ATRNL1: variants seen among roughly 807,000 people sequenced by gnomAD.
The protein encoded by ATRNL1 is attractin like 1.
A neutral mutation model predicts 182.7 loss-of-function variants in ATRNL1; 95 were observed. The observed-to-expected ratio is 0.52, with a 90% confidence interval of 0.44 to 0.62. The LOEUF (loss-of-function observed/expected upper bound fraction) is 0.62. ATRNL1 is among the 20% of genes least tolerant of loss of function. The probability of loss-of-function intolerance (pLI) is 0.00; values close to 1 mark genes in which losing one functional copy is unlikely to be tolerated. For missense variants in ATRNL1, 1,471 were observed against 1,679.5 expected (o/e 0.88, Z 2.17); for synonymous variants, 576 against 568.3 (o/e 1.01, Z -0.19).
chr10:115,836,647 C>G (rs1281668613), intron 27 of ATRNL1, among the ~76,000 whole-genome samples: 3 of 152,156 alleles, frequency 2.0e-5, no homozygotes, highest in African/African-American at 4.8e-5. Context: ...TGTGGCATCT[C>G]CTTGTATCAA....
At chr10:115,940,753 A>G (rs1369594668) in intron 28 of ATRNL1, among the ~76,000 whole-genome samples, 1 of 151,986 alleles carries the variant, frequency 6.6e-6, no homozygotes, top group South Asian at 2.1e-4. Flanking sequence ...ATTCAATAAG[A>G]TAGGGGCTTT....
In ATRNL1 at chr10:115,727,349, A is replaced by G. The variant is rs923621171; in HGVS notation, c.3897A>G (p.Pro1299=). 7 of 1,613,352 alleles carry G rather than the reference A, an allele frequency of 4.3e-6. No homozygotes were observed. Among genetic ancestry groups the G allele is most frequent in the African/African-American group, 1.3e-5 (1 of 75,062 alleles). ...GAEQTEFLRG[P]LEGAPKPIAI... ...AACAAACAGAGTTTCTGCGAGGGCC[A>G]TTAGAGGTAGGAACAGCGGTGCTGA... The change falls in exon 27 of 29, where the codon CCA becomes CCG. Residue 1299 remains proline (P), a synonymous_variant. Transcript: ENST00000355044.
In ATRNL1 at chr10:115,610,386, C is replaced by CA. The variant is rs370398203; in HGVS notation, c.3795+60858dup. ...TTGCATTGTAGACTGTCTATGACTA[C>CA]AAAAAAAAGCTTTATTTTTTCTCTT... is the stretch of plus-strand genomic sequence containing the variant. On this transcript the variant is annotated intron_variant, in intron 26 of 28. Coordinates refer to ENST00000355044, the MANE Select transcript of ATRNL1 (RefSeq NM_207303.4). Among the ~76,000 whole-genome samples, 12 of 151,584 alleles carry CA rather than the reference C, an allele frequency of 7.9e-5. No individual in the cohort carries two copies. The South Asian group carries it at 8.3e-4, about 10-fold the overall frequency.
chr10:115,435,330 C>T (rs1255629747), intron 21 of ATRNL1, among the ~76,000 whole-genome samples: 1 of 152,042 alleles, frequency 6.6e-6, no homozygotes, highest in Non-Finnish European at 1.5e-5. Flanking sequence ...GAAAACTCCA[C>T]CCTCATAGGT....
chr10:115,187,114 TAAC>T (rs1261484914), intron 8 of ATRNL1, among the ~76,000 whole-genome samples: 2 of 151,748 alleles, frequency 1.3e-5, no homozygotes, highest in East Asian at 3.9e-4. Flanking sequence ...AGACAAAAGA[TAAC>T]AAGTATTGGT....
intron 27 of ATRNL1, among the ~76,000 whole-genome samples, chr10:115,825,061 TA>T (rs1555091575): frequency 6.6e-6 from 1 of 151,902 alleles, no homozygotes; most frequent in African/African-American, 2.4e-5. Flanking sequence ...TATGCAGTCA[TA>T]AAAAAGGATG....
chr10:115,155,066 GTC>G (rs1251191761), intron 5 of ATRNL1, among the ~76,000 whole-genome samples: 1 of 151,746 alleles, frequency 6.6e-6, no homozygotes, highest in African/African-American at 2.4e-5. Context: ...GACCTTCTTT[GTC>G]TCTCTTTATT....
intron 25 of ATRNL1, among the ~76,000 whole-genome samples, chr10:115,531,869 C>T (rs1554988374): frequency 1.4e-5 from 2 of 144,372 alleles, no homozygotes; most frequent in Non-Finnish European, 3.2e-5. Context: ...TTCCCAGCAC[C>T]ATTTATTAAA....
chr10:115,383,979 A>G (rs922984585), intron 19 of ATRNL1, among the ~76,000 whole-genome samples: 2 of 152,078 alleles, frequency 1.3e-5, no homozygotes, highest in African/African-American at 4.8e-5. Context: ...AATATCAAAA[A>G]GTAACATTAT....
In ATRNL1 at chr10:115,825,122, C is replaced by G. The variant is rs980663629; in HGVS notation, c.3904-22755C>G. ...GGATGAAGCTGGAAACCATCATTCT[C>G]AACACAGGAACTAACACAGGAACTG... On this transcript the variant is annotated intron_variant, in intron 27 of 28. Coordinates refer to ENST00000355044, the MANE Select transcript of ATRNL1 (RefSeq NM_207303.4). 2.6e-5 allele frequency among the ~76,000 whole-genome samples: 4 copies of G among 152,114 alleles called. No individual in the cohort carries two copies. The East Asian group carries it at 7.7e-4, about 29-fold the overall frequency.
chr10:115,639,342 C>T lies in ATRNL1; in HGVS notation c.3796-87906C>T, dbSNP rs76090475. Among the ~76,000 whole-genome samples, 1,375 of 152,262 alleles carry T rather than the reference C, an allele frequency of 9.0e-3. 16 individuals are homozygous for T. The highest frequency in any genetic ancestry group is 0.03 in the African/African-American group (1,257 of 41,570). On this transcript the variant is annotated intron_variant, in intron 26 of 28. Coordinates refer to ENST00000355044, the MANE Select transcript of ATRNL1 (RefSeq NM_207303.4). Reference sequence around the variant, plus strand: ...AAACAAAAACACTGTCAGATGAATGCAAACTAAAATCATTTATCTGCTACA... The same window carrying T: ...AAACAAAAACACTGTCAGATGAATGTAAACTAAAATCATTTATCTGCTACA...
chr10:115,305,833 G>C (rs1853701708), intron 17 of ATRNL1, among the ~76,000 whole-genome samples: 1 of 152,176 alleles, frequency 6.6e-6, no homozygotes, highest in Admixed American at 6.5e-5. Context: ...GTTGCTGGGG[G>C]AAGTTTAGGG....
Position 115,610,931 on chromosome 10 carries a change from G to A in ATRNL1, c.3795+61395G>A, listed in dbSNP as rs540249686. Among the ~76,000 whole-genome samples, 87 of 152,016 alleles carry A rather than the reference G, an allele frequency of 5.7e-4. 1 individual carries two copies. In the South Asian group the frequency reaches 0.015, roughly 27 times the overall value. On this transcript the variant is annotated intron_variant, in intron 26 of 28. Transcript: ENST00000355044. ...TTAAATTAATAAAGATTACCCTGAA[G>A]GGACAATAATAAATATAAACATTAA...
At chr10:115,470,542 GTAAT>G (rs1848258258) in intron 24 of ATRNL1, among the ~76,000 whole-genome samples, 1 of 150,276 alleles carries the variant, frequency 6.7e-6, no homozygotes, top group Non-Finnish European at 1.5e-5. Flanking sequence ...ATAGCACTTA[GTAAT>G]TAGTTATTAA....
At chr10:115,415,666 A>G (rs1554960713) in intron 20 of ATRNL1, among the ~76,000 whole-genome samples, 1 of 151,916 alleles carries the variant, frequency 6.6e-6, no homozygotes, top group African/African-American at 2.4e-5. Flanking sequence ...TGTAATTAAC[A>G]TCCTTTTTTT....
At chr10:115,745,344 A>G (rs1431587306) in intron 27 of ATRNL1, among the ~76,000 whole-genome samples, 2 of 152,126 alleles carry the variant, frequency 1.3e-5, no homozygotes, top group African/African-American at 4.8e-5. Flanking sequence ...TCCATTGTAT[A>G]TCCACCACAG....
chr10:115,880,344 C>T (rs1951798764), intron 28 of ATRNL1, among the ~76,000 whole-genome samples: 1 of 152,140 alleles, frequency 6.6e-6, no homozygotes, highest in African/African-American at 2.4e-5. Context: ...TAGAAAGGGG[C>T]CAGGTACGGT....
chr10:115,324,206 T>C (rs144849804), intron 18 of ATRNL1, among the ~76,000 whole-genome samples: 198 of 152,322 alleles, frequency 1.3e-3, no homozygotes, highest in African/African-American at 4.6e-3. Context: ...CTCTTCCATG[T>C]CAGGGTTTGG....
intron 26 of ATRNL1, among the ~76,000 whole-genome samples, chr10:115,619,072 C>T (rs1565218362): frequency 2.6e-5 from 4 of 152,276 alleles, no homozygotes; most frequent in Admixed American, 2.6e-4. Flanking sequence ...CATATGATTT[C>T]TTTGGCTGTA....
Sources: gnomAD v4.1 joint callset for allele counts (sites outside exome capture counted in the v4.1 genomes callset) on GRCh38, gnomAD v4.1.1 for gene constraint, MANE v1.5 for transcripts, NCBI Gene and HGNC (gene_info 2026-07-23, HGNC 2026-07-21) for gene names.